KCNN2: variants seen among roughly 807,000 people sequenced by gnomAD.
KCNN2 encodes the protein potassium calcium-activated channel subfamily N member 2.
KCNN2 carries 24 observed loss-of-function variants against 55.5 expected under a neutral mutation model. The observed-to-expected ratio is 0.43, with a 90% confidence interval of 0.31 to 0.61. KCNN2 has a LOEUF of 0.61. KCNN2 is among the 20% of genes least tolerant of loss of function. The pLI, the probability that KCNN2 is intolerant of heterozygous loss-of-function variation, is 0.08. For synonymous variants in KCNN2, 431 were observed against 336.1 expected (o/e 1.28, Z -3.09); for missense variants, 754 against 853.6 (o/e 0.88, Z 1.45).
intron 1 of KCNN2, among the ~76,000 whole-genome samples, chr5:114,203,256 CTTA>C (rs1006610948): frequency 1.3e-5 from 2 of 152,020 alleles, no homozygotes; most frequent in African/African-American, 4.8e-5. Flanking sequence ...TGATTCAATT[CTTA>C]TAATACATTG....
chr5:114,450,428 A>G (rs1209796879), intron 3 of KCNN2, among the ~76,000 whole-genome samples: 1 of 152,218 alleles, frequency 6.6e-6, no homozygotes, highest in African/African-American at 2.4e-5. Context: ...CAATGTTTAA[A>G]TATCCACTGG....
At chr5:114,369,615 C>T (rs1757705063) in intron 2 of KCNN2, among the ~76,000 whole-genome samples, 1 of 152,110 alleles carries the variant, frequency 6.6e-6, no homozygotes, top group Admixed American at 6.5e-5. Flanking sequence ...TGACTGATGT[C>T]TATATTGCCA....
chr5:114,366,813 T>C (rs192350383), intron 2 of KCNN2, among the ~76,000 whole-genome samples: 3 of 152,358 alleles, frequency 2.0e-5, no homozygotes, highest in Admixed American at 2.0e-4. Flanking sequence ...ATTCCAAATA[T>C]ATCAATTAGC....
At chr5:114,199,328 G>A (rs949774600) in intron 1 of KCNN2, among the ~76,000 whole-genome samples, 1 of 152,006 alleles carries the variant, frequency 6.6e-6, no homozygotes, top group African/African-American at 2.4e-5. Context: ...GATAAGGTAA[G>A]TTTCTTGAAG....
intron 2 of KCNN2, among the ~76,000 whole-genome samples, chr5:114,243,461 C>T (rs563375296): frequency 3.1e-4 from 44 of 142,122 alleles, no homozygotes; most frequent in East Asian, 1.5e-3. Context: ...CATCTTGCCC[C>T]GTACCTGAAC....
At chr5:114,475,964 A>G (rs193271511) in intron 5 of KCNN2, among the ~76,000 whole-genome samples, 5 of 152,220 alleles carry the variant, frequency 3.3e-5, no homozygotes, top group African/African-American at 9.6e-5. Context: ...TTCATTAAGT[A>G]CTGTTCTGGT....
Position 114,117,563 on chromosome 5 carries a change from G to A in KCNN2, c.-271+61063G>A, listed in dbSNP as rs73260442. 5.3e-3 allele frequency among the ~76,000 whole-genome samples: 806 copies of A among 152,262 alleles called. 8 individuals carry two copies. The highest frequency in any genetic ancestry group is 0.018 in the African/African-American group (764 of 41,554). Reference sequence around the variant, plus strand: ...TGGAGAGCAGTGAATTGCTTGAGCCGTGGATTGTCTGCATGCAGATATGGA... The same window carrying A: ...TGGAGAGCAGTGAATTGCTTGAGCCATGGATTGTCTGCATGCAGATATGGA... On this transcript the variant is annotated intron_variant, in intron 1 of 10. Coordinates refer to the KCNN2 transcript ENST00000512097.
At chr5:114,397,206 C>T (rs975622526) in intron 2 of KCNN2, among the ~76,000 whole-genome samples, 5 of 152,052 alleles carry the variant, frequency 3.3e-5, no homozygotes, top group Non-Finnish European at 7.3e-5. Context: ...ATCTTTATGG[C>T]GAAATGATTT....
chr5:114,267,729 G>A (rs2150006754), intron 2 of KCNN2, among the ~76,000 whole-genome samples: 1 of 152,178 alleles, frequency 6.6e-6, no homozygotes, highest in East Asian at 1.9e-4. Flanking sequence ...TCCCTGAATG[G>A]TGATTAAAGG....
intron 2 of KCNN2, among the ~76,000 whole-genome samples, chr5:114,280,451 T>G (rs59271871): frequency 0.082 from 12,499 of 152,280 alleles, 637 homozygotes; most frequent in African/African-American, 0.14. Context: ...ATTTAAGTCT[T>G]TAATCCATCT....
At chr5:114,431,024 A>T (rs1232900597) in intron 3 of KCNN2, among the ~76,000 whole-genome samples, 1 of 152,140 alleles carries the variant, frequency 6.6e-6, no homozygotes, top group African/African-American at 2.4e-5. Flanking sequence ...ATCTACATTC[A>T]TGAGAGATAT....
intron 5 of KCNN2, among the ~76,000 whole-genome samples, chr5:114,476,034 CTACT>C (rs1469260368): frequency 2.0e-5 from 3 of 151,778 alleles, no homozygotes; most frequent in Non-Finnish European, 4.4e-5. Context: ...TATTTCATTA[CTACT>C]TTTTTTTTTA....
intron 1 of KCNN2, among the ~76,000 whole-genome samples, chr5:114,220,489 A>G (rs1561528307): frequency 1.3e-5 from 2 of 152,164 alleles, no homozygotes; most frequent in Non-Finnish European, 2.9e-5. Context: ...GCAGTTTTTC[A>G]AAAACTATTT....
At chr5:114,471,131 C>T (rs183800945) in intron 4 of KCNN2, among the ~76,000 whole-genome samples, 2 of 152,230 alleles carry the variant, frequency 1.3e-5, no homozygotes, top group Admixed American at 1.3e-4. Flanking sequence ...CTTCATAATG[C>T]ATTATGGCTA....
At chr5:114,465,945 C>T (rs537532413) in intron 4 of KCNN2, among the ~76,000 whole-genome samples, 1 of 152,150 alleles carries the variant, frequency 6.6e-6, no homozygotes, top group Non-Finnish European at 1.5e-5. Context: ...GGGCAGTCTT[C>T]CTGGGATTCA....
At chr5:114,485,009 T>G (rs891256475) in intron 5 of KCNN2, among the ~76,000 whole-genome samples, 1 of 152,186 alleles carries the variant, frequency 6.6e-6, no homozygotes, top group Non-Finnish European at 1.5e-5. Flanking sequence ...TTCAACCACT[T>G]TCTTCATATA....
chr5:114,480,905 G>T (rs1475008229), intron 5 of KCNN2, among the ~76,000 whole-genome samples: 1 of 152,002 alleles, frequency 6.6e-6, no homozygotes, highest in African/African-American at 2.4e-5. Flanking sequence ...TCCACAGCCA[G>T]TATCATAATG....
intron 2 of KCNN2, among the ~76,000 whole-genome samples, chr5:114,365,751 A>T (rs552975009): frequency 1.3e-5 from 2 of 152,362 alleles, no homozygotes; most frequent in African/African-American, 4.8e-5. Flanking sequence ...TCATTCCAAA[A>T]TGTTCTTACA....
At chr5:114,259,810 C>T (rs961028103) in intron 2 of KCNN2, among the ~76,000 whole-genome samples, 1 of 152,084 alleles carries the variant, frequency 6.6e-6, no homozygotes, top group Non-Finnish European at 1.5e-5. Flanking sequence ...TTTTGCTGTG[C>T]CCCAGCTTCT....
Sources: allele counts gnomAD v4.1 joint callset (sites outside exome capture counted in the v4.1 genomes callset), GRCh38; gene constraint gnomAD v4.1.1; transcripts MANE v1.5; gene names NCBI Gene and HGNC (gene_info 2026-07-23, HGNC 2026-07-21).